STK32B: variants seen among roughly 807,000 people sequenced by gnomAD.
STK32B encodes the protein serine/threonine-protein kinase 32B.
In STK32B, 43 loss-of-function variants were observed where a neutral mutation model predicts 52.6. That is an observed-to-expected ratio of 0.82 (90% CI 0.64 to 1.05). The LOEUF (loss-of-function observed/expected upper bound fraction) is 1.05, where lower values mean the gene tolerates loss of function less well. Among genes scored for constraint, STK32B ranks in the 50% least tolerant of loss-of-function variants. The pLI is 0.00. For synonymous variants in STK32B, 238 were observed against 204.3 expected (o/e 1.17, Z -1.41); for missense variants, 621 against 534.6 (o/e 1.16, Z -1.59).
the STK32B span, among the ~76,000 whole-genome samples, chr4:5,038,720 G>A: frequency 6.6e-6 from 1 of 152,206 alleles, no homozygotes; most frequent in East Asian, 1.9e-4. Context: ...GGACTGGAGA[G>A]TTGCTCTGGA....
At chr4:5,194,879 G>A (rs1721518695) in intron 3 of STK32B, among the ~76,000 whole-genome samples, 2 of 152,140 alleles carry the variant, frequency 1.3e-5, no homozygotes, top group African/African-American at 4.8e-5. Context: ...CAGATTTCAT[G>A]AAAACTCATT....
chr4:5,144,521 C>A (rs1341722469), intron 2 of STK32B, among the ~76,000 whole-genome samples: 2 of 152,110 alleles, frequency 1.3e-5, no homozygotes, highest in Non-Finnish European at 1.5e-5. Flanking sequence ...CTGGGACAGG[C>A]AGGGCTGTTG....
intron 1 of STK32B, among the ~76,000 whole-genome samples, chr4:5,052,566 AC>A (rs1406041352): frequency 6.6e-6 from 1 of 152,098 alleles, no homozygotes; most frequent in Non-Finnish European, 1.5e-5. Flanking sequence ...CCCTATTTGG[AC>A]TAGCAGAACC....
chr4:5,341,016 G>A (rs775504705), intron 4 of STK32B, among the ~76,000 whole-genome samples: 14 of 152,188 alleles, frequency 9.2e-5, no homozygotes, highest in African/African-American at 1.2e-4. Context: ...GAAACAAGGC[G>A]TTCAAATCCC....
chr4:5,039,327 A>G, the STK32B span, among the ~76,000 whole-genome samples: 1 of 152,140 alleles, frequency 6.6e-6, no homozygotes, highest in South Asian at 2.1e-4. Context: ...CTGAATCTAT[A>G]AGCGTTTTTC....
chr4:5,258,322 T>C (rs7687442), intron 3 of STK32B, among the ~76,000 whole-genome samples: 1 of 152,048 alleles, frequency 6.6e-6, no homozygotes, highest in African/African-American at 2.4e-5. Flanking sequence ...GGTGATAATA[T>C]TTTGTGCCTC....
chr4:5,497,456 T>G (rs1477164684), intron 11 of STK32B, among the ~76,000 whole-genome samples: 2 of 152,218 alleles, frequency 1.3e-5, no homozygotes, highest in African/African-American at 4.8e-5. Context: ...TGTCCTCTGG[T>G]TCCTGCCCAG....
At chr4:5,393,649 C>G (rs1004973252) in intron 4 of STK32B, among the ~76,000 whole-genome samples, 12 of 152,144 alleles carry the variant, frequency 7.9e-5, no homozygotes, top group Non-Finnish European at 1.6e-4. Context: ...AACCACAACT[C>G]ACTATCATGA....
Position 5,317,286 on chromosome 4 carries a change from CAT to C in STK32B, c.261-13926_261-13925del, listed in dbSNP as rs1324869191. ...CATATATATAATATATAACATATAA[CAT>C]ATATATAATATATAATATATAACAT... On this transcript the variant is annotated intron_variant, in intron 3 of 11. Transcript: ENST00000282908. Among the ~76,000 whole-genome samples, 45 of 25,006 alleles carry C rather than the reference CAT, an allele frequency of 1.8e-3. 6 individuals carry two copies. The highest frequency in any genetic ancestry group is 4.7e-3 in the Admixed American group (7 of 1,504). 16.4% of individuals were successfully genotyped at this position (25,006 alleles called of 152,430 possible). A position where few individuals can be genotyped will look rare whatever the true frequency, so the allele number is the denominator to read the frequency against.
At chr4:5,489,524 G>A (rs1168057068) in intron 11 of STK32B, among the ~76,000 whole-genome samples, 2 of 152,040 alleles carry the variant, frequency 1.3e-5, no homozygotes, top group Non-Finnish European at 2.9e-5. Context: ...ATATAAAACT[G>A]TCTGATAAGT....
chr4:5,133,646 C>G (rs2108824235), intron 1 of STK32B, among the ~76,000 whole-genome samples: 1 of 152,252 alleles, frequency 6.6e-6, no homozygotes, highest in South Asian at 2.1e-4. Context: ...TCATTATATG[C>G]TGATTATATA....
intron 1 of STK32B, among the ~76,000 whole-genome samples, chr4:5,059,083 T>TTTTG (rs1742121817): frequency 8.4e-6 from 1 of 118,904 alleles, no homozygotes; most frequent in African/African-American, 3.2e-5. Context: ...TTTTTTTTTG[T>TTTTG]AGAGCTGAGG....
At chr4:5,452,027 G>C (rs1345328819) in intron 7 of STK32B, among the ~76,000 whole-genome samples, 1 of 152,190 alleles carries the variant, frequency 6.6e-6, no homozygotes, top group Non-Finnish European at 1.5e-5. Context: ...GGCACGGAGA[G>C]CAGAGGCTGG....
intron 3 of STK32B, among the ~76,000 whole-genome samples, chr4:5,188,891 G>A (rs1021719127): frequency 4.6e-5 from 7 of 151,318 alleles, no homozygotes; most frequent in Non-Finnish European, 8.8e-5. Flanking sequence ...GAGGAATAGC[G>A]TTAGGAGAAA....
chr4:5,069,879 G>A lies in STK32B; in HGVS notation c.52+17964G>A, dbSNP rs371064419. On this transcript the variant is annotated intron_variant, in intron 1 of 11. Coordinates refer to ENST00000282908, the MANE Select transcript of STK32B (RefSeq NM_018401.3). ...CTTGGGCCAACTACTTATCCTCTCCGAGCCTCAGTTTCTTCTGCTGAAGAA... is the reference window on the plus strand; with the variant it reads ...CTTGGGCCAACTACTTATCCTCTCCAAGCCTCAGTTTCTTCTGCTGAAGAA... Among the ~76,000 whole-genome samples the A allele has an allele frequency of 1.7e-4, 26 of 152,180 alleles. No individual in the cohort carries two copies. The South Asian group carries it at 5.0e-3, about 29-fold the overall frequency.
chr4:5,130,717 C>G (rs1715716076), intron 1 of STK32B, among the ~76,000 whole-genome samples: 1 of 152,128 alleles, frequency 6.6e-6, no homozygotes, highest in Admixed American at 6.5e-5. Context: ...TAAGGCGCTG[C>G]TGAGGCCTGA....
chr4:5,329,917 A>C (rs1022098105), intron 3 of STK32B, among the ~76,000 whole-genome samples: 4 of 152,150 alleles, frequency 2.6e-5, no homozygotes, highest in Non-Finnish European at 4.4e-5. Flanking sequence ...CTGTCCTGTA[A>C]GCATGTGGTT....
At chr4:5,086,107 A>T (rs570995805) in intron 1 of STK32B, among the ~76,000 whole-genome samples, 2 of 152,194 alleles carry the variant, frequency 1.3e-5, no homozygotes, top group African/African-American at 2.4e-5. Flanking sequence ...AAAAAGCTTT[A>T]GAAGAAATGC....
chr4:5,276,999 C>T (rs954232116), intron 3 of STK32B, among the ~76,000 whole-genome samples: 1 of 152,146 alleles, frequency 6.6e-6, no homozygotes, highest in Non-Finnish European at 1.5e-5. Flanking sequence ...AGATGAACGC[C>T]AGATTTTGGA....
Sources: gnomAD v4.1 joint callset for allele counts (sites outside exome capture counted in the v4.1 genomes callset) on GRCh38, gnomAD v4.1.1 for gene constraint, MANE v1.5 for transcripts, NCBI Gene and HGNC (gene_info 2026-07-23, HGNC 2026-07-21) for gene names.